ZNF718: variants seen among roughly 807,000 people sequenced by gnomAD.
ZNF718 encodes the protein zinc finger protein 718.
In ZNF718, 3 loss-of-function variants were observed where a neutral mutation model predicts 2.6. The ratio of observed to expected loss-of-function variants is 1.16; its 90% CI spans 0.53 to 3.01. The LOEUF (loss-of-function observed/expected upper bound fraction) is 3.01. Among genes scored for constraint, ZNF718 ranks in the 30% most tolerant of loss-of-function variants. The probability of loss-of-function intolerance (pLI) is 0.03; values close to 1 mark genes in which losing one functional copy is unlikely to be tolerated. For missense variants in ZNF718, 468 were observed against 230.0 expected (o/e 2.03, Z -6.69); for synonymous variants, 135 against 77.9 (o/e 1.73, Z -3.86).
intron 3 of ZNF718, among the ~76,000 whole-genome samples, chr4:194,604 C>A (rs1717756052): frequency 6.6e-6 from 1 of 152,210 alleles, no homozygotes; most frequent in African/African-American, 2.4e-5. Context: ...AGTGTCTGAT[C>A]TAGCAGTAGC....
intron 3 of ZNF718, among the ~76,000 whole-genome samples, chr4:192,739 C>T (rs6841582): frequency 0.043 from 6,504 of 152,270 alleles, 356 homozygotes; most frequent in African/African-American, 0.13. Flanking sequence ...ATCTTAGTCA[C>T]GGACTGCATC....
Position 163,189 on chromosome 4 carries a change from T to TG in ZNF718, c.*1067_*1068insG. 7.4e-6 allele frequency: 1 copy of TG among 135,800 alleles called. No individual in the cohort carries two copies. The highest frequency in any genetic ancestry group is 2.5e-4 in the East Asian group (1 of 3,922). The allele number at this position is 135,800 out of a possible 1,614,324, so 8.4% of individuals were successfully genotyped here. A position where few individuals can be genotyped will look rare whatever the true frequency, so the allele number is the denominator to read the frequency against. On this transcript the variant is annotated 3_prime_UTR_variant, in exon 4 of 4. Coordinates refer to ENST00000510175, the MANE Select transcript of ZNF718 (RefSeq NM_001039127.6). ...TTTTAGGTGGGCATCATTCATGAAC[T>TG]TTTTTTTTTTTTTTGAGACGGAGTC...
intron 3 of ZNF718, among the ~76,000 whole-genome samples, chr4:174,281 C>A (rs1717305370): frequency 6.6e-6 from 1 of 152,270 alleles, no homozygotes; most frequent in Non-Finnish European, 1.5e-5. Context: ...TCTCTGGGAA[C>A]GTTTTGTGGC....
intron 3 of ZNF718, among the ~76,000 whole-genome samples, chr4:188,520 C>T (rs1179831475): frequency 4.6e-5 from 7 of 152,178 alleles, no homozygotes; most frequent in African/African-American, 1.7e-4. Context: ...TGCTCATCCC[C>T]CTGGATTCAG....
chr4:141,109 C>G (rs1553810169), intron 3 of ZNF718, among the ~76,000 whole-genome samples: 1 of 151,700 alleles, frequency 6.6e-6, no homozygotes, highest in African/African-American at 2.4e-5. Context: ...TAGGGTTTCA[C>G]TAAAGTTTCA....
At chr4:170,216 A>C (rs1235887250) in intron 3 of ZNF718, among the ~76,000 whole-genome samples, 5 of 152,130 alleles carry the variant, frequency 3.3e-5, no homozygotes, top group Non-Finnish European at 7.4e-5. Flanking sequence ...CCGAGAGATC[A>C]GCTGTTAGTC....
At chr4:191,995 A>G (rs533370021) in intron 3 of ZNF718, among the ~76,000 whole-genome samples, 55 of 152,294 alleles carry the variant, frequency 3.6e-4, no homozygotes, top group Non-Finnish European at 5.9e-4. Flanking sequence ...GTTCAGCTCA[A>G]TTAGGATGAA....
At chr4:186,099 A>G (rs1717561680) in intron 3 of ZNF718, among the ~76,000 whole-genome samples, 1 of 151,538 alleles carries the variant, frequency 6.6e-6, no homozygotes, top group South Asian at 2.1e-4. Context: ...TCACTGGCTG[A>G]CACTATGAAG....
intron 3 of ZNF718, among the ~76,000 whole-genome samples, chr4:149,086 T>C (rs782785436): frequency 1.3e-5 from 2 of 152,214 alleles, no homozygotes; most frequent in Non-Finnish European, 2.9e-5. Flanking sequence ...CTAGAAGTTG[T>C]GGGTAGAGAA....
intron 1 of ZNF718, chr4:125,027 C>T: frequency 4.7e-6 from 1 of 211,684 alleles, no homozygotes; most frequent in South Asian, 7.5e-5. Flanking sequence ...GAGGCCCCAT[C>T]AAAACATGGA....
At chr4:136,388 G>A (rs1553809335) in intron 3 of ZNF718, 1 of 520,384 alleles carries the variant, frequency 1.9e-6, no homozygotes, top group South Asian at 1.4e-5. Context: ...GGCTGGGTGT[G>A]TCTCCTTGCA....
intron 3 of ZNF718, among the ~76,000 whole-genome samples, chr4:134,476 A>C (rs1715472281): frequency 6.6e-6 from 1 of 152,186 alleles, no homozygotes; most frequent in Non-Finnish European, 1.5e-5. Context: ...GGTTACACTT[A>C]AGTTTCAAAA....
intron 3 of ZNF718, among the ~76,000 whole-genome samples, chr4:171,171 A>C (rs1717217433): frequency 1.3e-5 from 2 of 152,268 alleles, no homozygotes; most frequent in Non-Finnish European, 2.9e-5. Context: ...GATATTGGTG[A>C]ACAGCAGATG....
chr4:164,533 C>A (rs1224373011), downstream of ZNF718, among the ~76,000 whole-genome samples: 1 of 152,014 alleles, frequency 6.6e-6, no homozygotes, highest in South Asian at 2.1e-4. Flanking sequence ...TGATATAATT[C>A]ACTTGTTTCT....
At chr4:152,350 C>G (rs1411351713) in intron 3 of ZNF718, among the ~76,000 whole-genome samples, 8 of 123,328 alleles carry the variant, frequency 6.5e-5, no homozygotes, top group Non-Finnish European at 1.2e-4. Context: ...ATATTTCAGA[C>G]TATCACATGG....
intron 3 of ZNF718, among the ~76,000 whole-genome samples, chr4:150,560 C>T (rs571978701): frequency 3.3e-5 from 5 of 152,034 alleles, no homozygotes; most frequent in African/African-American, 1.2e-4. Flanking sequence ...CAGGTTCATC[C>T]GTGTCCTTGC....
chr4:142,030 G>A (rs782185337), intron 3 of ZNF718: 3 of 519,816 alleles, frequency 5.8e-6, no homozygotes, highest in Non-Finnish European at 1.2e-5. Flanking sequence ...GAGAACATAG[G>A]AGAAAAACTG....
intron 3 of ZNF718, among the ~76,000 whole-genome samples, chr4:183,799 T>C (rs1285636524): frequency 6.6e-6 from 1 of 152,148 alleles, no homozygotes; most frequent in East Asian, 1.9e-4. Flanking sequence ...TTGATTTGGC[T>C]CTCAACTGGC....
chr4:150,835 CA>C (rs1241763851), intron 3 of ZNF718, among the ~76,000 whole-genome samples: 62 of 152,068 alleles, frequency 4.1e-4, no homozygotes, highest in African/African-American at 1.4e-3. Context: ...CATGCTTCAG[CA>C]GTCCTGTTTA....
Sources: gnomAD v4.1 joint callset for allele counts (sites outside exome capture counted in the v4.1 genomes callset) on GRCh38, gnomAD v4.1.1 for gene constraint, MANE v1.5 for transcripts, NCBI Gene and HGNC (gene_info 2026-07-23, HGNC 2026-07-21) for gene names.